The following TMEFF2 variants were observed in gnomAD, a reference collection of about 807,000 sequenced individuals.
TMEFF2 encodes transmembrane protein with EGF like and two follistatin like domains 2.
TMEFF2 carries 28 observed loss-of-function variants against 53.8 expected under a neutral mutation model. The ratio of observed to expected loss-of-function variants is 0.52; its 90% CI spans 0.39 to 0.71. The LOEUF (loss-of-function observed/expected upper bound fraction) is 0.71. Ranked by LOEUF, TMEFF2 falls within the 30% of genes least tolerant of loss-of-function variation. The pLI is 0.00. For synonymous variants in TMEFF2, 162 were observed against 166.3 expected (o/e 0.97, Z 0.20); for missense variants, 353 against 455.2 (o/e 0.78, Z 2.04).
At chr2:192,011,599 A>T (rs1265659414) in intron 5 of TMEFF2, among the ~76,000 whole-genome samples, 1 of 152,250 alleles carries the variant, frequency 6.6e-6, no homozygotes, top group Non-Finnish European at 1.5e-5. Flanking sequence ...CTACAGGAAT[A>T]TAATATGTTT....
intron 5 of TMEFF2, among the ~76,000 whole-genome samples, chr2:192,056,363 AAGG>A (rs551628652): frequency 1.9e-4 from 29 of 152,000 alleles, no homozygotes; most frequent in Middle Eastern, 3.4e-3. Flanking sequence ...CAGGGAGGGA[AAGG>A]AGGAGGAGGA....
chr2:192,163,334 T>G (rs775496505), intron 4 of TMEFF2, among the ~76,000 whole-genome samples: 8 of 152,082 alleles, frequency 5.3e-5, no homozygotes, highest in Non-Finnish European at 7.4e-5. Flanking sequence ...ATGAAAGAAA[T>G]GAAACTCCCA....
intron 4 of TMEFF2, among the ~76,000 whole-genome samples, chr2:192,144,239 T>A (rs1690199974): frequency 1.3e-5 from 2 of 152,102 alleles, no homozygotes; most frequent in Admixed American, 1.3e-4. Flanking sequence ...TTCTCAAATA[T>A]CACCTGGGAA....
At chr2:192,147,663 T>C (rs535485618) in intron 4 of TMEFF2, among the ~76,000 whole-genome samples, 22 of 152,078 alleles carry the variant, frequency 1.4e-4, no homozygotes, top group Non-Finnish European at 2.9e-4. Context: ...AATACCCAAT[T>C]GTGCTACATC....
At chr2:191,981,423 A>G (rs1161589264) in intron 7 of TMEFF2, among the ~76,000 whole-genome samples, 1 of 152,166 alleles carries the variant, frequency 6.6e-6, no homozygotes, top group African/African-American at 2.4e-5. Context: ...AGTTATAGTT[A>G]CACACATCAG....
At chr2:192,017,856 T>C (rs1413874021) in intron 5 of TMEFF2, among the ~76,000 whole-genome samples, 3 of 152,208 alleles carry the variant, frequency 2.0e-5, no homozygotes, top group East Asian at 1.9e-4. Context: ...TAAACACTTG[T>C]TCTTTTCTCA....
intron 7 of TMEFF2, among the ~76,000 whole-genome samples, chr2:191,959,526 C>A (rs1395964853): frequency 6.6e-6 from 1 of 152,114 alleles, no homozygotes; most frequent in African/African-American, 2.4e-5. Flanking sequence ...AATGGTGAGG[C>A]CTTACCTTAC....
At chr2:192,034,379 T>C (rs1198736488) in intron 5 of TMEFF2, among the ~76,000 whole-genome samples, 3 of 152,078 alleles carry the variant, frequency 2.0e-5, no homozygotes, top group African/African-American at 7.2e-5. Context: ...CTGAAAAATA[T>C]ATTCATTCCC....
intron 5 of TMEFF2, among the ~76,000 whole-genome samples, chr2:192,008,806 G>T (rs529304491): frequency 6.6e-6 from 1 of 152,182 alleles, no homozygotes; most frequent in Non-Finnish European, 1.5e-5. Context: ...TTTAGTGATC[G>T]GGGTGGCTTC....
intron 4 of TMEFF2, among the ~76,000 whole-genome samples, chr2:192,153,051 T>C (rs900060327): frequency 1.3e-5 from 2 of 151,604 alleles, no homozygotes; most frequent in African/African-American, 2.4e-5. Flanking sequence ...AATTCTTCAA[T>C]GGTCAGTACA....
rs1685867317 is a variant in TMEFF2 at position 191,982,146 on chromosome 2, T to G, written c.745+16116A>C. On this transcript the variant is annotated intron_variant, in intron 7 of 9. Transcript: ENST00000272771. ...TTTTCAGGATTCTACCATATCCATA[T>G]TTATGCAAATTCTGGGAAAAGTCAT... Among the ~76,000 whole-genome samples, 4 of 136,780 alleles carry G rather than the reference T, an allele frequency of 2.9e-5. No individual in the cohort carries two copies. The South Asian group carries it at 9.6e-4, about 33-fold the overall frequency. The allele number at this position is 136,780 out of a possible 152,430, so 89.7% of individuals were successfully genotyped here. A position where few individuals can be genotyped will look rare whatever the true frequency, so the allele number is the denominator to read the frequency against.
At chr2:192,127,462 T>C (rs1309212300) in intron 4 of TMEFF2, among the ~76,000 whole-genome samples, 2 of 152,290 alleles carry the variant, frequency 1.3e-5, no homozygotes, top group Non-Finnish European at 2.9e-5. Flanking sequence ...AAATCCAAAA[T>C]GTAAAAATTA....
intron 7 of TMEFF2, among the ~76,000 whole-genome samples, chr2:191,986,515 C>T (rs1685978006): frequency 6.6e-6 from 1 of 150,886 alleles, no homozygotes; most frequent in Non-Finnish European, 1.5e-5. Context: ...GATATTGCCT[C>T]TTATTTGTGA....
intron 5 of TMEFF2, among the ~76,000 whole-genome samples, chr2:192,004,735 A>T (rs925717636): frequency 2.0e-5 from 3 of 152,242 alleles, no homozygotes; most frequent in Non-Finnish European, 2.9e-5. Context: ...AAATTAATCA[A>T]GGGTTTTTCT....
intron 4 of TMEFF2, among the ~76,000 whole-genome samples, chr2:192,129,513 C>T (rs1689760659): frequency 6.6e-6 from 1 of 152,114 alleles, no homozygotes; most frequent in Admixed American, 6.5e-5. Flanking sequence ...GAAAAATTCC[C>T]CATGCAGTGG....
chr2:192,050,469 A>G (rs1272076963), intron 5 of TMEFF2, among the ~76,000 whole-genome samples: 1 of 151,856 alleles, frequency 6.6e-6, no homozygotes, highest in Non-Finnish European at 1.5e-5. Flanking sequence ...TTTATTTTTT[A>G]CTTTCATAAC....
rs1026066513 is a variant in TMEFF2, at chr2:192,079,697, C to G, written c.440-21922G>C. 2.0e-5 allele frequency among the ~76,000 whole-genome samples: 3 copies of G among 152,262 alleles called. No individual in the cohort carries two copies. The South Asian group carries it at 6.2e-4, about 32-fold the overall frequency. On this transcript the variant is annotated intron_variant, in intron 4 of 9. Transcript: ENST00000272771. ...TTATATTCCTCAGTCATTTCTTTAT[C>G]TAAACTTTGATCAGCTTTCTAAAAA...
At chr2:191,955,164 GGAGAGAGAGGGAGAGA>G (rs1416358886) in intron 8 of TMEFF2, among the ~76,000 whole-genome samples, 1 of 9,036 alleles carries the variant, frequency 1.1e-4, no homozygotes, top group Admixed American at 3.4e-3. Flanking sequence ...AGGAAGAGTG[GGAGAGAGAGGGAGAGA>G]GAGAGAGAGA....
At chr2:191,966,934 T>C (rs1222037832) in intron 7 of TMEFF2, among the ~76,000 whole-genome samples, 1 of 152,086 alleles carries the variant, frequency 6.6e-6, no homozygotes, top group East Asian at 1.9e-4. Context: ...GCTTTTACTC[T>C]TCAATAGGCT....
Sources: gnomAD v4.1 joint callset for allele counts (sites outside exome capture counted in the v4.1 genomes callset) on GRCh38, gnomAD v4.1.1 for gene constraint, MANE v1.5 for transcripts, NCBI Gene and HGNC (gene_info 2026-07-23, HGNC 2026-07-21) for gene names.